The following SEPSECS variants were observed in gnomAD, a reference collection of about 807,000 sequenced individuals.
SEPSECS encodes Sep (O-phosphoserine) tRNA:Sec (selenocysteine) tRNA synthase.
Under a neutral mutation model 52.1 loss-of-function variants are expected in SEPSECS, and 42 were observed. That is an observed-to-expected ratio of 0.81 (90% CI 0.63 to 1.04). SEPSECS has a LOEUF of 1.04. Ranked by LOEUF, SEPSECS falls within the 50% of genes least tolerant of loss-of-function variation. The probability of loss-of-function intolerance (pLI) is 0.00; values close to 1 mark genes in which losing one functional copy is unlikely to be tolerated. For missense variants in SEPSECS, 590 were observed against 610.6 expected, an observed-to-expected ratio of 0.97 and a Z score of 0.36; for synonymous variants, 216 against 211.4, an observed-to-expected ratio of 1.02 and a Z score of -0.19.
At position 25,120,492 on chromosome 4, in the gene SEPSECS, C is replaced by T. The variant is rs1553877483; in HGVS notation, c.*3439G>A. 6.6e-6 allele frequency: 1 copy of T among 152,102 alleles called. No individual in the cohort carries two copies. Among genetic ancestry groups the T allele is most frequent in the Non-Finnish European group, 1.5e-5 (1 of 67,996 alleles). 9.4% of individuals were successfully genotyped at this position (152,102 alleles called of 1,614,324 possible). A position where few individuals can be genotyped will look rare whatever the true frequency, so the allele number is the denominator to read the frequency against. On this transcript the variant is annotated 3_prime_UTR_variant, in exon 11 of 11. Coordinates refer to ENST00000382103, the MANE Select transcript of SEPSECS (RefSeq NM_016955.4). ...CAAGGAAAAAACTGACTAATAGAAC[C>T]TTTTCTTAAAAAGCTGTTAATAGCA... is the stretch of plus-strand genomic sequence containing the variant.
chr4:25,156,997 A>G (rs1170120859), intron 2 of SEPSECS, 23 bp from the exon 3 acceptor site: 1 of 1,248,554 alleles, frequency 8.0e-7, no homozygotes, highest in East Asian at 2.3e-5. Flanking sequence ...TGGGCCAAAA[A>G]CTGGACAAAT....
intron 2 of SEPSECS, among the ~76,000 whole-genome samples, chr4:25,157,214 G>A (rs1305110636): frequency 6.6e-6 from 1 of 152,030 alleles, no homozygotes. Context: ...TTCTCCCTAT[G>A]CCCACATGCT....
In SEPSECS at chr4:25,158,979, G is replaced by A. The variant is rs1431335403; in HGVS notation, c.243C>T (p.Ser81=). 1.2e-6 allele frequency: 2 copies of A among 1,613,768 alleles called. No homozygotes were observed. The highest frequency in any genetic ancestry group is 2.2e-5 in the East Asian group (1 of 44,878). ...TGTAATGACGACGAGCAACCAGTGC[G>A]GATGCCACTCTCCCTTCCCTTTCTC... The part of the protein sequence containing the change: ...GVGEREGRVA[S]ALVARRHYRF... The change falls in exon 2 of 11, where the codon TCC becomes TCT. Residue 81 remains serine, a synonymous_variant. Coordinates refer to ENST00000382103, the MANE Select transcript of SEPSECS (RefSeq NM_016955.4).
chr4:25,129,830 T>C (rs1455364547), intron 8 of SEPSECS, among the ~76,000 whole-genome samples: 1 of 152,216 alleles, frequency 6.6e-6, no homozygotes, highest in Non-Finnish European at 1.5e-5. Flanking sequence ...TTCCTGGGTT[T>C]CATCCATATA....
At chr4:25,159,809 A>G (rs1712945947) in intron 1 of SEPSECS, 1 of 1,094,616 alleles carries the variant, frequency 9.1e-7, no homozygotes, top group South Asian at 2.1e-5. Flanking sequence ...AATGAAATTA[A>G]AATACATGAA....
At chr4:25,143,064 T>C (rs902865059) in intron 8 of SEPSECS, among the ~76,000 whole-genome samples, 3 of 152,354 alleles carry the variant, frequency 2.0e-5, no homozygotes, top group Non-Finnish European at 4.4e-5. Flanking sequence ...TTATCTGACA[T>C]ATGGATCTGT....
intron 6 of SEPSECS, among the ~76,000 whole-genome samples, chr4:25,151,618 T>C (rs1321495118): frequency 6.6e-6 from 1 of 152,216 alleles, no homozygotes; most frequent in Non-Finnish European, 1.5e-5. Flanking sequence ...CAATAATTCC[T>C]TAAATATAGA....
intron 8 of SEPSECS, among the ~76,000 whole-genome samples, chr4:25,132,844 T>C (rs1334444752): frequency 6.6e-6 from 1 of 152,174 alleles, no homozygotes; most frequent in Non-Finnish European, 1.5e-5. Context: ...GATGAGTGAC[T>C]GGAAGCAGTG....
intron 8 of SEPSECS, among the ~76,000 whole-genome samples, chr4:25,139,473 G>A (rs889025178): frequency 5.3e-5 from 7 of 131,952 alleles, no homozygotes; most frequent in African/African-American, 1.4e-4. Flanking sequence ...TGCAACTTCC[G>A]CCTCCTGGGT....
At chr4:25,155,988 A>T in intron 4 of SEPSECS, 49 bp downstream of exon 4, 1 of 1,511,136 alleles carries the variant, frequency 6.6e-7, no homozygotes, top group Non-Finnish European at 9.2e-7. Flanking sequence ...AAGAAATCTG[A>T]ATTTCATAAT....
intron 6 of SEPSECS, among the ~76,000 whole-genome samples, chr4:25,147,840 A>G (rs1221805029): frequency 6.6e-6 from 1 of 152,148 alleles, no homozygotes; most frequent in Non-Finnish European, 1.5e-5. Flanking sequence ...GATTATTGCA[A>G]TATTATTTTC....
At chr4:25,124,594 T>G (rs1179651059) in intron 10 of SEPSECS, among the ~76,000 whole-genome samples, 4 of 152,190 alleles carry the variant, frequency 2.6e-5, no homozygotes, top group African/African-American at 7.2e-5. Flanking sequence ...TGATTTGGTT[T>G]TGTGCCAAAT....
intron 8 of SEPSECS, among the ~76,000 whole-genome samples, chr4:25,135,376 C>T (rs533492145): frequency 2.0e-5 from 3 of 151,620 alleles, no homozygotes; most frequent in Non-Finnish European, 2.9e-5. Flanking sequence ...AAATGATAAA[C>T]GGGGTATCAC....
intron 6 of SEPSECS, among the ~76,000 whole-genome samples, chr4:25,146,836 A>C (rs1711992068): frequency 6.6e-6 from 1 of 152,100 alleles, no homozygotes; most frequent in Non-Finnish European, 1.5e-5. Flanking sequence ...CTTCACAACT[A>C]CCACCCTGGC....
intron 6 of SEPSECS, among the ~76,000 whole-genome samples, chr4:25,146,799 C>T (rs1209588164): frequency 6.6e-6 from 1 of 152,186 alleles, no homozygotes; most frequent in Non-Finnish European, 1.5e-5. Flanking sequence ...TCTCAAAATA[C>T]ATCTGAATAA....
chr4:25,136,065 T>C (rs1560325786), intron 8 of SEPSECS, among the ~76,000 whole-genome samples: 3 of 151,968 alleles, frequency 2.0e-5, no homozygotes, highest in Non-Finnish European at 4.4e-5. Context: ...AAAATAATAA[T>C]AGCCATTTAT....
chr4:25,152,128 A>C (rs1323165164), intron 5 of SEPSECS, 66 bp from the exon 6 acceptor site: 1 of 1,011,374 alleles, frequency 9.9e-7, no homozygotes, highest in Non-Finnish European at 1.6e-6. Flanking sequence ...TAGTGCAGAA[A>C]GTTTTTTAAA....
chr4:25,127,987 C>G (rs1158585226), intron 8 of SEPSECS, among the ~76,000 whole-genome samples: 3 of 152,158 alleles, frequency 2.0e-5, no homozygotes, highest in African/African-American at 7.2e-5. Flanking sequence ...GATCATTCCC[C>G]AAGTGGTCCC....
chr4:25,131,714 C>T (rs1001090341), intron 8 of SEPSECS, among the ~76,000 whole-genome samples: 2 of 152,194 alleles, frequency 1.3e-5, no homozygotes, highest in Admixed American at 6.5e-5. Context: ...GTATGATGTT[C>T]TTTTAAAACT....
Sources: allele counts gnomAD v4.1 joint callset (sites outside exome capture counted in the v4.1 genomes callset), GRCh38; gene constraint gnomAD v4.1.1; transcripts MANE v1.5; gene names NCBI Gene and HGNC (gene_info 2026-07-23, HGNC 2026-07-21).